Variants in GH2 observed in about 807,000 individuals in gnomAD.
GH2 encodes growth hormone variant.
Under a neutral mutation model 24.1 loss-of-function variants are expected in GH2, and 17 were observed. The ratio of observed to expected loss-of-function variants is 0.71; its 90% CI spans 0.48 to 1.06. The LOEUF (loss-of-function observed/expected upper bound fraction) is 1.06, where lower values mean the gene tolerates loss of function less well. GH2 is among the 50% of genes least tolerant of loss of function. The pLI, the probability that GH2 is intolerant of heterozygous loss-of-function variation, is 0.00. For missense variants in GH2, 305 were observed against 273.1 expected, an observed-to-expected ratio of 1.12 and a Z score of -0.82; for synonymous variants, 126 against 118.7, an observed-to-expected ratio of 1.06 and a Z score of -0.40.
At chr17:63,881,236 C>G in intron 2 of GH2, 88 bp from the exon 3 acceptor site, 1 of 1,611,944 alleles carries the variant, frequency 6.2e-7, no homozygotes, top group Non-Finnish European at 8.5e-7. Context: ...GTATGCTCAT[C>G]TGCCTGCATT....
In GH2 at chr17:63,881,371, G is replaced by A; in HGVS notation, c.159C>T (p.Thr53=). Residue 53 remains threonine (T), a synonymous_variant, in exon 2 of 5, where the codon ACC becomes ACT. Coordinates refer to ENST00000423893, the MANE Select transcript of GH2 (RefSeq NM_002059.5). ...CCCAAGAGCTTACAAACTCCTGATA[G>A]GTGTCATATGCCAGCTGGTACAGGC... ...ARRLYQLAYD[T]YQEFEEAYIL... The A allele has an allele frequency of 1.2e-6, 2 of 1,614,032 alleles. No individual in the cohort carries two copies. The highest frequency in any genetic ancestry group is 1.1e-5 in the South Asian group (1 of 91,082).
intron 1 of GH2, 72 bp from the exon 2 acceptor site, chr17:63,881,591 T>TG (rs1468472385): frequency 2.0e-5 from 31 of 1,556,592 alleles, no homozygotes; most frequent in Non-Finnish European, 2.1e-5. Flanking sequence ...TTCCAGGAGC[T>TG]GGGTTTTTTT....
Position 63,880,462 on chromosome 17 carries a change from C to T in GH2, c.513G>A (p.Lys171=), listed in dbSNP as rs1905427473. ...CATCGTTGTGCGATTTTGTGTCAAA[C>T]TTGCTGTAGGACTGATTGAAGATCT... ...TGQIFNQSYS[K]FDTKSHNDDA... The change falls in exon 5 of 5, where the codon AAG becomes AAA. Residue 171 remains lysine (K), a synonymous_variant. Coordinates refer to ENST00000423893, the MANE Select transcript of GH2 (RefSeq NM_002059.5). The T allele has an allele frequency of 1.2e-6, 2 of 1,613,696 alleles. No individual in the cohort carries two copies. The highest frequency in any genetic ancestry group is 1.7e-5 in the Admixed American group (1 of 59,986).
chr17:63,881,068 A>G lies in GH2; in HGVS notation c.252T>C (p.Ile84=), dbSNP rs1905487627. 2 of 1,614,058 alleles carry G rather than the reference A, an allele frequency of 1.2e-6. No individual in the cohort carries two copies. The highest frequency in any genetic ancestry group is 4.5e-5 in the East Asian group (2 of 44,886). Residue 84 remains isoleucine (I), a synonymous_variant, in exon 3 of 5, where the codon ATT becomes ATC. Coordinates refer to ENST00000423893, the MANE Select transcript of GH2 (RefSeq NM_002059.5). Reference sequence around the variant, plus strand: ...TTTTCACCCTGTTGGAAGGTGTTGGAATAGACTCTGAGAAGCAGAGGGAGG... The same window carrying G: ...TTTTCACCCTGTTGGAAGGTGTTGGGATAGACTCTGAGAAGCAGAGGGAGG... ...PQTSLCFSES[I]PTPSNRVKTQ... is the part of the protein sequence containing the mutation.
chr17:63,880,723 T>C lies in GH2; in HGVS notation c.456+49A>G, dbSNP rs751970398. 2.2e-5 allele frequency: 36 copies of C among 1,613,962 alleles called. No homozygotes were observed. The Admixed American group carries it at 5.8e-4, about 26-fold the overall frequency. On this transcript the variant is annotated intron_variant, in intron 4 of 4. Coordinates refer to ENST00000423893, the MANE Select transcript of GH2 (RefSeq NM_002059.5). ...CAGCAGTGTTTCTCTCCCCAGTCCC[T>C]GGAAGCCAGTGGGGCCCCAGGATTG...
intron 2 of GH2, 67 bp downstream of exon 2, chr17:63,881,292 C>T (rs1285314164): frequency 1.9e-6 from 3 of 1,611,188 alleles, no homozygotes; most frequent in African/African-American, 1.3e-5. Flanking sequence ...CCTCCCATTA[C>T]TTCCCAGCGG....
chr17:63,881,562 G>C (rs895519553), intron 1 of GH2, 43 bp from the exon 2 acceptor site: 1 of 1,611,806 alleles, frequency 6.2e-7, no homozygotes, highest in East Asian at 2.2e-5. Context: ...TGGAGAGCAA[G>C]AGGCCAGCGC....
chr17:63,881,336 G>A (rs746139946), intron 2 of GH2, 23 bp downstream of exon 2: 13 of 1,613,502 alleles, frequency 8.1e-6, no homozygotes, highest in Non-Finnish European at 1.1e-5. Context: ...CCTCTGAAGC[G>A]CACCCATTAC....
chr17:63,881,101 G>A lies in GH2; in HGVS notation c.219C>T (p.Asn73=), dbSNP rs202110807. ...LKEQKYSFLQ[N]PQTSLCFSES... ...CTGAGAAGCAGAGGGAGGTCTGGGGGTTCTGCAGGAATGAATACTTCTGCT... is the reference window on the plus strand; with the variant it reads ...CTGAGAAGCAGAGGGAGGTCTGGGGATTCTGCAGGAATGAATACTTCTGCT... Residue 73 remains asparagine (N), a synonymous_variant, in exon 3 of 5, where the codon AAC becomes AAT. Coordinates refer to ENST00000423893, the MANE Select transcript of GH2 (RefSeq NM_002059.5). 1.9e-6 allele frequency: 3 copies of A among 1,614,072 alleles called. No individual in the cohort carries two copies. The African/African-American group carries it at 4.0e-5, about 22-fold the overall frequency.
rs1905566375 is a variant in GH2, at chr17:63,881,903, T to C, written c.-102A>G. 9.9e-6 allele frequency: 16 copies of C among 1,611,334 alleles called. No homozygotes were observed. The South Asian group carries it at 1.7e-4, about 17-fold the overall frequency. ...GTGGGCCCTTTTTATACCTGGCCCC[T>C]TCTCTCTCGCTGCTTCTCCTCACCT... On this transcript the variant is annotated 5_prime_UTR_variant, in exon 1 of 5. Transcript: ENST00000423893.
In GH2 at chr17:63,881,101, G is replaced by T. The variant is rs202110807; in HGVS notation, c.219C>A (p.Asn73Lys). 22 of 1,614,072 alleles carry T rather than the reference G, an allele frequency of 1.4e-5. No homozygotes were observed. Among genetic ancestry groups the T allele is most frequent in the Non-Finnish European group, 1.6e-5 (19 of 1,179,942 alleles). Reference protein sequence around the residue: ...LKEQKYSFLQNPQTSLCFSES... With the variant: ...LKEQKYSFLQKPQTSLCFSES... ...CTGAGAAGCAGAGGGAGGTCTGGGG[G>T]TTCTGCAGGAATGAATACTTCTGCT... Residue 73 changes from asparagine (N) to lysine (K), a missense_variant, in exon 3 of 5, where the codon AAC becomes AAA. Physicochemically the swap from Asn to Lys is moderately conservative, Grantham distance 94. Coordinates refer to ENST00000423893, the MANE Select transcript of GH2 (RefSeq NM_002059.5).
In GH2 at chr17:63,880,815, C is replaced by T. The variant is rs1442496549; in HGVS notation, c.413G>A (p.Arg138His). The T allele has an allele frequency of 8.7e-6, 14 of 1,613,944 alleles. No individual in the cohort carries two copies. The highest frequency in any genetic ancestry group is 4.0e-5 in the African/African-American group (3 of 74,900). Residue 138 changes from arginine (R) to histidine (H), a missense_variant, in exon 4 of 5, where the codon CGC becomes CAC. Physicochemically the swap from Arg to His is conservative, Grantham distance 29. Transcript: ENST00000423893. ...VYGASDSNVY[R>H]HLKDLEEGIQ... ...GCCTTCCTCTAGGTCCTTCAGGTGGCGATAGACGTTGCTGTCCGAGGCGCC... is the reference window on the plus strand; with the variant it reads ...GCCTTCCTCTAGGTCCTTCAGGTGGTGATAGACGTTGCTGTCCGAGGCGCC...
chr17:63,880,471 G>A lies in GH2; in HGVS notation c.504C>T (p.Ser168=). ...SPRTGQIFNQ[S]YSKFDTKSHN... ...GCGATTTTGTGTCAAACTTGCTGTA[G>A]GACTGATTGAAGATCTGCCCAGTCC... Residue 168 remains serine, a synonymous_variant, in exon 5 of 5, where the codon TCC becomes TCT. Transcript: ENST00000423893. The A allele has an allele frequency of 4.3e-6, 7 of 1,613,782 alleles. No homozygotes were observed. Among genetic ancestry groups the A allele is most frequent in the Non-Finnish European group, 5.9e-6 (7 of 1,179,764 alleles).
At position 63,881,027 on chromosome 17, in the gene GH2, AC is replaced by A. The variant is rs1396181690; in HGVS notation, c.291+1del. ...CCACCTGGGGAGAAGGCATCCACTC[AC>A]AGATTTCTGCTGCGTTTTCACCCTG... On this transcript the variant is annotated splice_donor_variant, in intron 3 of 4. Transcript: ENST00000423893. LOFTEE classifies it high-confidence loss of function. 1 of 1,613,934 alleles carries A rather than the reference AC, an allele frequency of 6.2e-7. No homozygotes were observed. The highest frequency in any genetic ancestry group is 8.5e-7 in the Non-Finnish European group (1 of 1,179,948).
At chr17:63,881,749 C>G (rs1905552409) in intron 1 of GH2, 43 bp downstream of exon 1, 2 of 1,612,230 alleles carry the variant, frequency 1.2e-6, no homozygotes, top group Admixed American at 1.7e-5. Flanking sequence ...CCGCCTCTCC[C>G]CTCAGGACAC....
intron 2 of GH2, 46 bp downstream of exon 2, chr17:63,881,313 C>A: frequency 1.2e-6 from 2 of 1,612,888 alleles, no homozygotes; most frequent in Non-Finnish European, 1.7e-6. Context: ...GGGAAAGTCA[C>A]CCCTTCCTGC....
In GH2 at chr17:63,880,335, T is replaced by C. The variant is rs776969967; in HGVS notation, c.640A>G (p.Ser214Gly). 5 of 1,613,884 alleles carry C rather than the reference T, an allele frequency of 3.1e-6. No individual in the cohort carries two copies. The highest frequency in any genetic ancestry group is 1.7e-5 in the Admixed American group (1 of 60,010). Reference sequence around the variant, plus strand: ...CACCCGGGCAGCTAGAAGCCACAGCTGCCCTCCACAGAGCGGCACTGCACG... The same window carrying C: ...CACCCGGGCAGCTAGAAGCCACAGCCGCCCTCCACAGAGCGGCACTGCACG... Reference protein sequence around the residue: ...RIVQCRSVEGSCGF With the variant: ...RIVQCRSVEGGCGF The change falls in exon 5 of 5, where the codon AGC becomes GGC. Residue 214 changes from serine (S) to glycine (G), a missense_variant. Transcript: ENST00000423893.
chr17:63,880,246 G>C lies in GH2; in HGVS notation c.*75C>G. The C allele has an allele frequency of 6.2e-7, 1 of 1,610,486 alleles. No individual in the cohort carries two copies. The highest frequency in any genetic ancestry group is 1.1e-5 in the South Asian group (1 of 90,956). On this transcript the variant is annotated 3_prime_UTR_variant, in exon 5 of 5. Coordinates refer to ENST00000423893, the MANE Select transcript of GH2 (RefSeq NM_002059.5). ...AACTTAATTTTATTAGGACAAGGCT[G>C]GTGGGCACTGGAGTAGCACCTTCCA...
rs748032452 is a variant in GH2 at position 63,880,924 on chromosome 17, G to C, written c.304C>G (p.Leu102Val). 6.2e-7 allele frequency: 1 copy of C among 1,614,088 alleles called. No homozygotes were observed. The highest frequency in any genetic ancestry group is 8.5e-7 in the Non-Finnish European group (1 of 1,179,954). ...KTQQKSNLEL[L>V]RISLLLIQSW... ...TGGATGAGCAGCAGGGAGATGCGGA[G>C]CAGCTCTAGGTTCTGCAGGGGAAGG... is the stretch of plus-strand genomic sequence containing the variant. The change falls in exon 4 of 5, where the codon CTC becomes GTC. Residue 102 changes from leucine to valine, a missense_variant. By Grantham distance (32) the Leu-to-Val change is conservative. Transcript: ENST00000423893.
Sources: gnomAD v4.1 joint callset for allele counts on GRCh38, gnomAD v4.1.1 for gene constraint, MANE v1.5 for transcripts, NCBI Gene and HGNC (gene_info 2026-07-23, HGNC 2026-07-21) for gene names.